Variants in SEC24B observed in about 807,000 individuals in gnomAD.
SEC24B encodes the protein protein transport protein Sec24B.
In SEC24B, 45 loss-of-function variants were observed where a neutral mutation model predicts 142.8. The observed-to-expected ratio is 0.32, with a 90% CI of 0.25 to 0.40. SEC24B has a LOEUF of 0.40. Among genes scored for constraint, SEC24B ranks in the 10% least tolerant of loss-of-function variants. The pLI, the probability that SEC24B is intolerant of heterozygous loss-of-function variation, is 1.00. For synonymous variants in SEC24B, 574 were observed against 568.2 expected (o/e 1.01, Z -0.15); for missense variants, 1,409 against 1,526.8 (o/e 0.92, Z 1.29).
intron 1 of SEC24B, among the ~76,000 whole-genome samples, chr4:109,442,609 GA>G (rs1292438531): frequency 1.3e-5 from 2 of 150,246 alleles, no homozygotes; most frequent in East Asian, 1.9e-4. Context: ...TGATCTGACT[GA>G]AAAAAAAAGT....
chr4:109,503,071 T>G (rs1474688253), intron 6 of SEC24B, among the ~76,000 whole-genome samples: 1 of 151,214 alleles, frequency 6.6e-6, no homozygotes, highest in Non-Finnish European at 1.5e-5. Flanking sequence ...TCTTTTTTTT[T>G]TTTTTTGAGA....
intron 6 of SEC24B, among the ~76,000 whole-genome samples, chr4:109,503,734 G>A (rs1736409162): frequency 6.6e-6 from 1 of 152,042 alleles, no homozygotes; most frequent in African/African-American, 2.4e-5. Context: ...TTAAAATCAG[G>A]AAAGTATTCT....
At chr4:109,512,126 G>T (rs1578945172) in intron 9 of SEC24B, 43 bp downstream of exon 9, 36 of 1,316,054 alleles carry the variant, frequency 2.7e-5, no homozygotes, top group Middle Eastern at 2.7e-4. Context: ...CTATTTTCAG[G>T]TTTTTTTTTT....
At chr4:109,522,038 A>G (rs1032165207) in intron 14 of SEC24B, among the ~76,000 whole-genome samples, 3 of 121,556 alleles carry the variant, frequency 2.5e-5, no homozygotes, top group Non-Finnish European at 5.1e-5. Context: ...GCTGCCTGAG[A>G]GTTTTTTGTT....
intron 5 of SEC24B, among the ~76,000 whole-genome samples, chr4:109,492,187 C>T (rs989939904): frequency 4.0e-5 from 6 of 150,766 alleles, no homozygotes; most frequent in African/African-American, 1.5e-4. Context: ...CTTGCTATCA[C>T]TATTCTATGA....
At chr4:109,527,483 CTG>C in intron 18 of SEC24B, 51 bp downstream of exon 18, 1 of 1,394,132 alleles carries the variant, frequency 7.2e-7, no homozygotes, top group Non-Finnish European at 1.0e-6. Context: ...ATCTTAAAAA[CTG>C]AAGCTTGGCT....
chr4:109,535,569 C>T (rs576623301), intron 22 of SEC24B, among the ~76,000 whole-genome samples: 15 of 151,244 alleles, frequency 9.9e-5, no homozygotes, highest in Non-Finnish European at 1.3e-4. Context: ...AAAAAAGTGG[C>T]TGGGCGCGGT....
rs1333008470 is a variant in SEC24B, at chr4:109,482,678, A to G, written c.1165+897A>G. ...TTTTGAGACAGGATCTCACTGTGTC[A>G]CCCAGGCTGGAGTGCAGTGACACAA... On this transcript the variant is annotated intron_variant, in intron 4 of 23. Coordinates refer to ENST00000265175, the MANE Select transcript of SEC24B (RefSeq NM_006323.5). Among the ~76,000 whole-genome samples the G allele has an allele frequency of 9.2e-5, 14 of 151,440 alleles. No individual in the cohort carries two copies. In the East Asian group the frequency reaches 2.1e-3, roughly 23 times the overall value.
At chr4:109,471,290 C>G (rs1447868601) in intron 2 of SEC24B, among the ~76,000 whole-genome samples, 1 of 151,890 alleles carries the variant, frequency 6.6e-6, no homozygotes, top group Non-Finnish European at 1.5e-5. Flanking sequence ...ACCACAGATG[C>G]GCACCACCAT....
At chr4:109,524,762 C>T in intron 14 of SEC24B, 56 bp from the exon 15 acceptor site, 1 of 1,513,402 alleles carries the variant, frequency 6.6e-7, no homozygotes, top group East Asian at 2.4e-5. Context: ...ATAAAAATGA[C>T]ATGAAAATAT....
At chr4:109,473,293 A>G in intron 3 of SEC24B, 107 bp downstream of exon 3, 2 of 698,112 alleles carry the variant, frequency 2.9e-6, no homozygotes, top group East Asian at 6.5e-5. Flanking sequence ...AACTTTTGGA[A>G]TATTAACTTA....
chr4:109,523,632 G>A (rs138610639), intron 14 of SEC24B, among the ~76,000 whole-genome samples: 271 of 152,082 alleles, frequency 1.8e-3, no homozygotes, highest in African/African-American at 6.4e-3. Context: ...GTTCTGTCTG[G>A]CCTTAACATA....
Position 109,449,803 on chromosome 4 carries a change from A to G in SEC24B, c.134-13098A>G, listed in dbSNP as rs576406335. ...TGGGCCTCAGCATAGTTTTGGAGGG[A>G]CATAAACATTGAGTCCATAATAGAG... is the stretch of plus-strand genomic sequence containing the variant. On this transcript the variant is annotated intron_variant, in intron 1 of 23. Coordinates refer to ENST00000265175, the MANE Select transcript of SEC24B (RefSeq NM_006323.5). Among the ~76,000 whole-genome samples the G allele has an allele frequency of 3.9e-5, 6 of 152,280 alleles. No homozygotes were observed. In the South Asian group the frequency reaches 1.2e-3, roughly 32 times the overall value.
chr4:109,437,509 C>CT (rs1728512911), intron 1 of SEC24B, among the ~76,000 whole-genome samples: 1 of 152,138 alleles, frequency 6.6e-6, no homozygotes, highest in Admixed American at 6.5e-5. Context: ...AGGCTGTTCT[C>CT]TAACTCCTGG....
At chr4:109,501,260 A>T (rs1463005755) in intron 6 of SEC24B, among the ~76,000 whole-genome samples, 1 of 152,234 alleles carries the variant, frequency 6.6e-6, no homozygotes, top group Non-Finnish European at 1.5e-5. Context: ...GCCTAGGAGC[A>T]ATAGGCTATA....
intron 6 of SEC24B, among the ~76,000 whole-genome samples, chr4:109,502,366 C>T (rs1291143543): frequency 6.6e-6 from 1 of 152,066 alleles, no homozygotes; most frequent in Non-Finnish European, 1.5e-5. Flanking sequence ...CATTTGGCTG[C>T]TGTGTGAGGA....
intron 7 of SEC24B, among the ~76,000 whole-genome samples, chr4:109,507,338 G>C (rs543648744): frequency 6.8e-6 from 1 of 146,802 alleles, no homozygotes; most frequent in East Asian, 2.0e-4. Flanking sequence ...GCAGTGGCCC[G>C]ATCTTAGCTG....
chr4:109,449,429 A>T, intron 1 of SEC24B: 1 of 364,166 alleles, frequency 2.7e-6, no homozygotes, highest in Non-Finnish European at 5.5e-6. Flanking sequence ...ACGGGATTTC[A>T]CCATGTTGCC....
chr4:109,496,467 GTTGACT>G (rs1263502914), intron 6 of SEC24B, among the ~76,000 whole-genome samples: 146 of 152,268 alleles, frequency 9.6e-4, no homozygotes, highest in African/African-American at 3.0e-3. Flanking sequence ...ACTGTTCTCA[GTTGACT>G]AACCTTATAG....
Sources: allele counts gnomAD v4.1 joint callset (sites outside exome capture counted in the v4.1 genomes callset), GRCh38; gene constraint gnomAD v4.1.1; transcripts MANE v1.5; gene names NCBI Gene and HGNC (gene_info 2026-07-23, HGNC 2026-07-21).